Variants in PARVB observed in about 807,000 individuals in gnomAD.
The protein encoded by PARVB is parvin beta.
A neutral mutation model predicts 47.0 loss-of-function variants in PARVB; 46 were observed. That is an observed-to-expected ratio of 0.98 (90% CI 0.77 to 1.25). The LOEUF is 1.25. Among genes scored for constraint, PARVB ranks in the 50% most tolerant of loss-of-function variants. PARVB has a pLI of 0.00. For synonymous variants in PARVB, 196 were observed against 196.3 expected, an observed-to-expected ratio of 1.00 and a Z score of 0.01; for missense variants, 473 against 471.6, an observed-to-expected ratio of 1.00 and a Z score of -0.03.
At chr22:44,007,429 C>T (rs745905346) in intron 2 of PARVB, among the ~76,000 whole-genome samples, 10 of 152,182 alleles carry the variant, frequency 6.6e-5, no homozygotes, top group Non-Finnish European at 1.0e-4. Context: ...CCAGAGCATC[C>T]TTTATTCTCT....
At chr22:44,106,915 G>C (rs191680003) in intron 3 of PARVB, 4 of 152,280 alleles carry the variant, frequency 2.6e-5, no homozygotes, top group Non-Finnish European at 4.4e-5. Context: ...TACTGTTAAG[G>C]GGTGAAGGTC....
intron 3 of PARVB, chr22:44,113,977 C>T (rs1403650634): frequency 1.6e-5 from 1 of 60,694 alleles, no homozygotes; most frequent in African/African-American, 1.1e-4. Context: ...TTACTAAGGC[C>T]CTGCACCAAC....
rs1464896934 is a variant in PARVB, at chr22:44,068,899, G to A, written c.113-25029G>A. On this transcript the variant is annotated intron_variant, in intron 1 of 12. Transcript: ENST00000338758. The surrounding 1 kb of genome is among the most constrained non-coding windows in gnomAD (Gnocchi z 4.1). The stretch of plus-strand genomic sequence containing the variant: ...GTTTTCCTGGGGAGCAGTTGCCCTG[G>A]CCCATGAGGCTGATGGGAGTCAAGA... Among the ~76,000 whole-genome samples, 2 of 152,180 alleles carry A rather than the reference G, an allele frequency of 1.3e-5. No homozygotes were observed. The highest frequency in any genetic ancestry group is 4.8e-5 in the African/African-American group (2 of 41,446).
At chr22:44,105,839 G>C (rs1188857575) in intron 3 of PARVB, 3 of 152,250 alleles carry the variant, frequency 2.0e-5, no homozygotes, top group Non-Finnish European at 4.4e-5. Context: ...TTGTTGTTTT[G>C]AGATAGGGTC....
At chr22:44,037,855 T>C (rs999205468) in intron 1 of PARVB, among the ~76,000 whole-genome samples, 2 of 152,170 alleles carry the variant, frequency 1.3e-5, no homozygotes, top group African/African-American at 4.8e-5. Flanking sequence ...CTTGTTGGTG[T>C]TTATAAGAAG....
At chr22:44,074,057 G>C (rs543167028) in intron 1 of PARVB, among the ~76,000 whole-genome samples, 63 of 152,340 alleles carry the variant, frequency 4.1e-4, no homozygotes, top group African/African-American at 1.4e-3. Flanking sequence ...CTCTGTTCGG[G>C]TTGAAGACAG....
intron 1 of PARVB, among the ~76,000 whole-genome samples, chr22:44,056,053 C>A (rs1314863241): frequency 6.6e-6 from 1 of 152,252 alleles, no homozygotes; most frequent in Non-Finnish European, 1.5e-5. Flanking sequence ...ACTTGCTTGT[C>A]TTTCCTTGCG....
intron 5 of PARVB, among the ~76,000 whole-genome samples, chr22:44,131,929 G>A (rs2053335015): frequency 6.6e-6 from 1 of 152,208 alleles, no homozygotes; most frequent in Admixed American, 6.5e-5. Flanking sequence ...GAGAGAAGCA[G>A]CCTTGGGGGG....
At chr22:44,110,878 G>C (rs2052681066) in intron 3 of PARVB, 1 of 152,196 alleles carries the variant, frequency 6.6e-6, no homozygotes, top group Non-Finnish European at 1.5e-5. Flanking sequence ...GGGATTACAG[G>C]CGTGAGCCAT....
At chr22:44,146,330 C>T (rs1264477867) in intron 8 of PARVB, 2 of 103,904 alleles carry the variant, frequency 1.9e-5, no homozygotes, top group Non-Finnish European at 3.9e-5. Context: ...CACACATGTG[C>T]TCACGTGCAC....
At chr22:44,104,265 G>A (rs2052518382) in intron 3 of PARVB, 1 of 152,226 alleles carries the variant, frequency 6.6e-6, no homozygotes, top group Non-Finnish European at 1.5e-5. Flanking sequence ...CAGACTGCAG[G>A]TTGCGTCTCA....
chr22:44,085,605 A>G (rs1207552982), intron 1 of PARVB, among the ~76,000 whole-genome samples: 1 of 152,200 alleles, frequency 6.6e-6, no homozygotes, highest in African/African-American at 2.4e-5. Context: ...CAGCTGGCCC[A>G]ACCTGCTTTT....
At chr22:44,081,729 G>A in intron 1 of PARVB, 1 of 583,048 alleles carries the variant, frequency 1.7e-6, no homozygotes, top group Non-Finnish European at 2.2e-6. Context: ...TGTGCAGCTT[G>A]CTGGCAAGTG....
intron 2 of PARVB, among the ~76,000 whole-genome samples, chr22:44,008,547 A>G (rs1049801156): frequency 6.6e-6 from 1 of 152,152 alleles, no homozygotes; most frequent in Non-Finnish European, 1.5e-5. Context: ...AGTTATAGAA[A>G]AGTATTTATC....
chr22:44,100,236 T>G, intron 3 of PARVB, 113 bp downstream of exon 3: 1 of 801,250 alleles, frequency 1.2e-6, no homozygotes, highest in South Asian at 1.5e-5. Context: ...AAAGGGATGT[T>G]GGTGCTGCAT....
rs960798544 is a variant in PARVB at position 44,148,077 on chromosome 22, A to G, written c.774+155A>G. The G allele has an allele frequency of 7.4e-6, 5 of 673,344 alleles. No individual in the cohort carries two copies. In the African/African-American group the frequency reaches 8.8e-5, roughly 12 times the overall value. 41.7% of individuals were successfully genotyped at this position (673,344 alleles called of 1,614,324 possible). ...TGTAATTACAGTCAAAAACCTAACC[A>G]CAGTGCATAAAATCAGCGCCTTTTA... On this transcript the variant is annotated intron_variant, in intron 9 of 12. Transcript: ENST00000338758.
intron 1 of PARVB, among the ~76,000 whole-genome samples, chr22:44,075,196 C>A (rs2051741943): frequency 6.6e-6 from 1 of 152,204 alleles, no homozygotes; most frequent in South Asian, 2.1e-4. Context: ...GCCCTGGAGA[C>A]ATGGATGCCT....
intron 3 of PARVB, chr22:44,115,724 C>T (rs1202363248): frequency 1.2e-5 from 1 of 85,914 alleles, no homozygotes; most frequent in Non-Finnish European, 2.2e-5. Flanking sequence ...TAAGGCCCTA[C>T]AGCAACACAG....
Position 44,132,928 on chromosome 22 carries a change from C to A in PARVB, c.552C>A (p.His184Gln). 1 of 1,614,112 alleles carries A rather than the reference C, an allele frequency of 6.2e-7. No homozygotes were observed. The highest frequency in any genetic ancestry group is 8.5e-7 in the Non-Finnish European group (1 of 1,179,956). The change falls in exon 6 of 13, where the codon CAC (histidine) becomes CAA (glutamine). Residue 184 changes from histidine to glutamine, a missense_variant. Coordinates refer to ENST00000338758, the MANE Select transcript of PARVB (RefSeq NM_013327.5). ...IHGKNLVAIL[H>Q]LLVSLAMHFR... ...GGAAGAACCTGGTGGCCATCCTCCA[C>A]CTGCTGGTCTCTCTGGCCATGCACT...
Sources: gnomAD v4.1 joint callset for allele counts (sites outside exome capture counted in the v4.1 genomes callset) on GRCh38, gnomAD v4.1.1 for gene constraint, Gnocchi (gnomAD v3.1) non-coding constraint, MANE v1.5 for transcripts, NCBI Gene and HGNC (gene_info 2026-07-23, HGNC 2026-07-21) for gene names.